TRIM14: variants seen among roughly 807,000 people sequenced by gnomAD.
TRIM14 encodes tripartite motif containing 14.
In TRIM14, 28 loss-of-function variants were observed where a neutral mutation model predicts 44.5. That is an observed-to-expected ratio of 0.63 (90% CI 0.47 to 0.86). The LOEUF (loss-of-function observed/expected upper bound fraction) is 0.86. TRIM14 is among the 40% of genes least tolerant of loss of function. The probability of loss-of-function intolerance (pLI) is 0.00; values close to 1 mark genes in which losing one functional copy is unlikely to be tolerated. For synonymous variants in TRIM14, 299 were observed against 269.2 expected (o/e 1.11, Z -1.08); for missense variants, 607 against 611.1 (o/e 0.99, Z 0.07).
At position 98,087,771 on chromosome 9, in the gene TRIM14, G is replaced by C. The variant is rs761156214; in HGVS notation, c.1028C>G (p.Ser343Cys). 6.5e-7 allele frequency: 1 copy of C among 1,528,888 alleles called. No individual in the cohort carries two copies. The highest frequency in any genetic ancestry group is 2.1e-5 in the Admixed American group (1 of 47,648). The allele number at this position is 1,528,888 out of a possible 1,614,324, so 94.7% of individuals were successfully genotyped here. ...GGCCGAGGCCCCGCGGCGCCGAAGG[G>C]AGGCGTAGGCCGCGCCCACCCACCA... ...AGWWVGAAYASLRRRGASAAA... is the reference protein window; with the variant it reads ...AGWWVGAAYACLRRRGASAAA... Residue 343 changes from serine (S) to cysteine (C), a missense_variant, in exon 6 of 6, where the codon TCC becomes TGC. Ser to Cys is a moderately radical substitution (Grantham distance 112). Transcript: ENST00000341469.
In TRIM14 at chr9:98,086,522, G is replaced by T. The variant is rs1260717730; in HGVS notation, c.*948C>A. On this transcript the variant is annotated 3_prime_UTR_variant, in exon 6 of 6. Coordinates refer to ENST00000341469, the MANE Select transcript of TRIM14 (RefSeq NM_014788.4). ...CAGGGTGGAGAGAGTATAGGACAAA[G>T]CTGCCCTTCCAAAGCCTCCAATTTA... 6 of 152,308 alleles carry T rather than the reference G, an allele frequency of 3.9e-5. No homozygotes were observed. 9.4% of individuals were successfully genotyped at this position (152,308 alleles called of 1,614,324 possible). A position where few individuals can be genotyped will look rare whatever the true frequency, so the allele number is the denominator to read the frequency against.
intron 4 of TRIM14, among the ~76,000 whole-genome samples, chr9:98,093,521 A>AGC (rs1826074818): frequency 6.6e-6 from 1 of 152,098 alleles, no homozygotes; most frequent in Admixed American, 6.6e-5. Context: ...GCAGGGTTCC[A>AGC]AGTGGTAGAC....
At chr9:98,038,312 A>T in the TRIM14 span, among the ~76,000 whole-genome samples, 1 of 152,122 alleles carries the variant, frequency 6.6e-6, no homozygotes, top group South Asian at 2.1e-4. Context: ...TAAGCCTCCC[A>T]AAGTGCTGGG....
intron 5 of TRIM14, among the ~76,000 whole-genome samples, chr9:98,089,695 A>G (rs1337101107): frequency 6.6e-6 from 1 of 152,210 alleles, no homozygotes; most frequent in Non-Finnish European, 1.5e-5. Context: ...GCCACATTAC[A>G]ACCTAGTTCT....
the TRIM14 span, among the ~76,000 whole-genome samples, chr9:98,044,473 A>C: frequency 1.4e-5 from 2 of 147,378 alleles, no homozygotes. Context: ...TCCCTGGTTC[A>C]AGCTATTCTC....
chr9:98,040,700 C>T, the TRIM14 span, among the ~76,000 whole-genome samples: 97 of 152,036 alleles, frequency 6.4e-4, 1 homozygote, highest in African/African-American at 2.2e-3. Context: ...CTGTGTCACC[C>T]AGGCTGGAGT....
chr9:98,072,413 A>AT lies in TRIM14; in HGVS notation c.*29-2727dup, dbSNP rs1004255694. Among the ~76,000 whole-genome samples the AT allele has an allele frequency of 9.9e-3, 1,309 of 132,138 alleles. 11 individuals are homozygous for AT. Among genetic ancestry groups the AT allele is most frequent in the African/African-American group, 0.025 (902 of 36,242 alleles). The allele number at this position is 132,138 out of a possible 152,430, so 86.7% of individuals were successfully genotyped here. A position where few individuals can be genotyped will look rare whatever the true frequency, so the allele number is the denominator to read the frequency against. On this transcript the variant is annotated intron_variant, in intron 6 of 6. Transcript: ENST00000375098. The stretch of plus-strand genomic sequence containing the variant: ...GGGCACAGGCAGTGAGGGAAAGTGC[A>AT]TTTTTTTTTTTTTTTTGAGACGGAG...
Position 98,084,496 on chromosome 9 carries a change from AC to A in TRIM14, c.*2973del, listed in dbSNP as rs922031964. On this transcript the variant is annotated 3_prime_UTR_variant, in exon 6 of 6. Transcript: ENST00000341469. ...AAGAGAAGAAGGTAAGTGATCAGTA[AC>A]CCTTACAGACATGGAAACCAAGGAA... The A allele has an allele frequency of 1.3e-5, 2 of 152,190 alleles. No homozygotes were observed. Among genetic ancestry groups the A allele is most frequent in the African/African-American group, 2.4e-5 (1 of 41,424 alleles). The allele number at this position is 152,190 out of a possible 1,614,324, so 9.4% of individuals were successfully genotyped here.
At chr9:98,067,958 G>T (rs1296159752), downstream of TRIM14, among the ~76,000 whole-genome samples, 1 of 152,188 alleles carries the variant, frequency 6.6e-6, no homozygotes, top group Non-Finnish European at 1.5e-5. Flanking sequence ...CTGAGCTCAA[G>T]CGAACAGCCA....
chr9:98,044,561 A>G, the TRIM14 span, among the ~76,000 whole-genome samples: 2 of 151,442 alleles, frequency 1.3e-5, no homozygotes, highest in East Asian at 2.0e-4. Context: ...TTTAGTAGAG[A>G]TGAGGTTTCA....
downstream of TRIM14, among the ~76,000 whole-genome samples, chr9:98,065,867 C>T (rs1829132651): frequency 6.6e-6 from 1 of 152,106 alleles, no homozygotes; most frequent in South Asian, 2.1e-4. Flanking sequence ...GCTTCTTCCT[C>T]ATTTTCTCTT....
chr9:98,111,774 A>T (rs1826861782), intron 1 of TRIM14, among the ~76,000 whole-genome samples: 1 of 152,052 alleles, frequency 6.6e-6, no homozygotes, highest in Non-Finnish European at 1.5e-5. Context: ...CCCCGTCTCT[A>T]CTACAAATAC....
intron 2 of TRIM14, among the ~76,000 whole-genome samples, chr9:98,105,597 CA>C (rs961918772): frequency 9.9e-5 from 15 of 152,146 alleles, no homozygotes; most frequent in Admixed American, 2.0e-4. Flanking sequence ...AACAAACAAA[CA>C]AAAAAACAAA....
intron 6 of TRIM14, among the ~76,000 whole-genome samples, chr9:98,071,052 G>A (rs1444247411): frequency 6.6e-6 from 1 of 151,850 alleles, no homozygotes; most frequent in Admixed American, 6.6e-5. Flanking sequence ...GCCTCAAACA[G>A]TCTCCCACCT....
At chr9:98,053,586 G>A in the TRIM14 span, among the ~76,000 whole-genome samples, 1 of 152,002 alleles carries the variant, frequency 6.6e-6, no homozygotes, top group Non-Finnish European at 1.5e-5. Flanking sequence ...AGTCTCATAA[G>A]TCTTTTTTTC....
intron 2 of TRIM14, among the ~76,000 whole-genome samples, chr9:98,104,771 G>A (rs1826541151): frequency 6.6e-6 from 1 of 152,206 alleles, no homozygotes; most frequent in Non-Finnish European, 1.5e-5. Flanking sequence ...GTCAGGGAAG[G>A]CTGGGGGATT....
At chr9:98,054,164 G>C in the TRIM14 span, among the ~76,000 whole-genome samples, 9 of 152,138 alleles carry the variant, frequency 5.9e-5, no homozygotes, top group Admixed American at 5.9e-4. Context: ...CACTGAATGT[G>C]ACCATACTTA....
At chr9:98,074,988 C>G (rs896653658) in intron 6 of TRIM14, 1 of 152,036 alleles carries the variant, frequency 6.6e-6, no homozygotes, top group Non-Finnish European at 1.5e-5. Flanking sequence ...TTATGAGACA[C>G]AAACAGGAAG....
chr9:98,047,890 C>T, the TRIM14 span, among the ~76,000 whole-genome samples: 24 of 152,002 alleles, frequency 1.6e-4, 1 homozygote, highest in East Asian at 1.7e-3. Flanking sequence ...TGTGGTGAAA[C>T]TTCATCTCTA....
Sources: allele counts gnomAD v4.1 joint callset (sites outside exome capture counted in the v4.1 genomes callset), GRCh38; gene constraint gnomAD v4.1.1; transcripts MANE v1.5; gene names NCBI Gene and HGNC (gene_info 2026-07-23, HGNC 2026-07-21).